The following COMMD10 variants were observed in gnomAD, a reference collection of about 807,000 sequenced individuals.
COMMD10 encodes COMM domain containing 10, also known as COMM domain-containing protein 10.
COMMD10 carries 33 observed loss-of-function variants against 28.9 expected under a neutral mutation model. The ratio of observed to expected loss-of-function variants is 1.14; its 90% CI spans 0.87 to 1.53. COMMD10 has a LOEUF of 1.53. Ranked by LOEUF, COMMD10 falls within the 40% of genes most tolerant of loss-of-function variation. The pLI is 0.00. For missense variants in COMMD10, 310 were observed against 233.4 expected (o/e 1.33, Z -2.14); for synonymous variants, 110 against 81.7 (o/e 1.35, Z -1.87).
At position 116,292,692 on chromosome 5, in the gene COMMD10, T is replaced by G; in HGVS notation, c.*203T>G. The G allele has an allele frequency of 2.4e-6, 1 of 420,572 alleles. No homozygotes were observed. The highest frequency in any genetic ancestry group is 4.2e-6 in the Non-Finnish European group (1 of 237,130). 26.1% of individuals were successfully genotyped at this position (420,572 alleles called of 1,614,324 possible). On this transcript the variant is annotated 3_prime_UTR_variant, in exon 7 of 7. Coordinates refer to ENST00000274458, the MANE Select transcript of COMMD10 (RefSeq NM_016144.4). ...TTCTAATATACTTTCTTTAGTTCTG[T>G]GAGCCAACAGTAATTATTAAGAACA...
At chr5:116,192,172 C>T (rs1016850270) in intron 5 of COMMD10, among the ~76,000 whole-genome samples, 1 of 152,050 alleles carries the variant, frequency 6.6e-6, no homozygotes, top group Non-Finnish European at 1.5e-5. Context: ...CAGCCTTCAG[C>T]CCTAGACCTT....
At chr5:116,099,171 C>T (rs1021611581) in intron 4 of COMMD10, among the ~76,000 whole-genome samples, 2 of 152,340 alleles carry the variant, frequency 1.3e-5, no homozygotes, top group Admixed American at 6.5e-5. Context: ...CTACTCTCTG[C>T]TTCAGTGAGT....
intron 5 of COMMD10, among the ~76,000 whole-genome samples, chr5:116,201,207 C>A (rs745974523): frequency 6.6e-6 from 1 of 152,118 alleles, no homozygotes; most frequent in Non-Finnish European, 1.5e-5. Flanking sequence ...TAAATAGTTT[C>A]CTCTATGGGC....
intron 5 of COMMD10, among the ~76,000 whole-genome samples, chr5:116,282,228 C>G (rs1277856001): frequency 6.6e-6 from 1 of 151,790 alleles, no homozygotes; most frequent in Non-Finnish European, 1.5e-5. Context: ...CATCCCAATT[C>G]AAGTCTGTCA....
At chr5:116,245,106 A>G (rs1749908657) in intron 5 of COMMD10, among the ~76,000 whole-genome samples, 1 of 152,066 alleles carries the variant, frequency 6.6e-6, no homozygotes, top group Non-Finnish European at 1.5e-5. Context: ...TAAAGAAGAA[A>G]AGAGAATATT....
At chr5:116,270,697 G>A (rs1036864206) in intron 5 of COMMD10, among the ~76,000 whole-genome samples, 1 of 151,764 alleles carries the variant, frequency 6.6e-6, no homozygotes, top group African/African-American at 2.4e-5. Context: ...AGCACTTTGG[G>A]AGGCCGAGGT....
chr5:116,134,986 AT>A (rs1751984866), intron 5 of COMMD10, among the ~76,000 whole-genome samples: 1 of 152,170 alleles, frequency 6.6e-6, no homozygotes, highest in Non-Finnish European at 1.5e-5. Flanking sequence ...GAACGTGATT[AT>A]TAAAGATCAA....
chr5:116,110,339 G>A (rs377313241), intron 4 of COMMD10, among the ~76,000 whole-genome samples: 3 of 152,044 alleles, frequency 2.0e-5, no homozygotes, highest in Non-Finnish European at 4.4e-5. Context: ...TTCTTTATTC[G>A]TTGTGTCCTT....
chr5:116,165,690 GTTTC>G (rs1561642644), intron 5 of COMMD10, among the ~76,000 whole-genome samples: 1 of 150,512 alleles, frequency 6.6e-6, no homozygotes, highest in African/African-American at 2.5e-5. Context: ...GTCTCTTATT[GTTTC>G]TTTTTCTTTT....
chr5:116,264,179 C>G (rs1378722710), intron 5 of COMMD10, among the ~76,000 whole-genome samples: 1 of 151,732 alleles, frequency 6.6e-6, no homozygotes, highest in Non-Finnish European at 1.5e-5. Context: ...TCTGGCTCTG[C>G]TTTCTCAGGT....
At chr5:116,261,396 G>T (rs1750440892) in intron 5 of COMMD10, among the ~76,000 whole-genome samples, 1 of 151,644 alleles carries the variant, frequency 6.6e-6, no homozygotes, top group Non-Finnish European at 1.5e-5. Context: ...GGATTTTCTT[G>T]TTCCAGGTGG....
At chr5:116,090,666 G>A (rs1160748697) in intron 2 of COMMD10, among the ~76,000 whole-genome samples, 1 of 152,172 alleles carries the variant, frequency 6.6e-6, no homozygotes, top group Non-Finnish European at 1.5e-5. Context: ...GGGCATGTAG[G>A]CAGCTTCAAG....
At chr5:116,167,431 A>G (rs1753162284) in intron 5 of COMMD10, among the ~76,000 whole-genome samples, 2 of 152,194 alleles carry the variant, frequency 1.3e-5, no homozygotes, top group Admixed American at 1.3e-4. Flanking sequence ...TCAGGATGTT[A>G]TCCAGAAGGA....
At position 116,120,336 on chromosome 5, in the gene COMMD10, T is replaced by C. The variant is rs531282383; in HGVS notation, c.400-13732T>C. Among the ~76,000 whole-genome samples the C allele has an allele frequency of 3.1e-4, 47 of 152,078 alleles. 1 individual carries two copies. Among genetic ancestry groups the C allele is most frequent in the South Asian group, 2.7e-3 (13 of 4,820 alleles). On this transcript the variant is annotated intron_variant, in intron 4 of 6. Coordinates refer to ENST00000274458, the MANE Select transcript of COMMD10 (RefSeq NM_016144.4). ...GGCATGAGAATGATATAATGGACTT[T>C]GGGGATTTGTGGGGCAAGGTTGGGA...
In COMMD10 at chr5:116,203,742, A is replaced by G. The variant is rs1211456741; in HGVS notation, c.510+69564A>G. Among the ~76,000 whole-genome samples the G allele has an allele frequency of 5.3e-5, 8 of 152,300 alleles. No individual in the cohort carries two copies. In the East Asian group the frequency reaches 9.6e-4, roughly 18 times the overall value. On this transcript the variant is annotated intron_variant, in intron 5 of 6. Transcript: ENST00000274458. ...CCCTAAAAGAGCTCCTGAAGGAAGC[A>G]CTAAACATGGAAAGGCACAACTGGT...
chr5:116,094,262 A>G (rs915543092), intron 4 of COMMD10, among the ~76,000 whole-genome samples: 1 of 152,240 alleles, frequency 6.6e-6, no homozygotes, highest in Non-Finnish European at 1.5e-5. Flanking sequence ...AATATTTACA[A>G]ACTATTGACT....
chr5:116,259,803 A>C (rs189755057), intron 5 of COMMD10, among the ~76,000 whole-genome samples: 31 of 151,600 alleles, frequency 2.0e-4, no homozygotes, highest in Admixed American at 5.3e-4. Flanking sequence ...CTGTTTCTCT[A>C]ATCTGGGACT....
At position 116,291,525 on chromosome 5, in the gene COMMD10, G is replaced by A; in HGVS notation, c.519G>A (p.Glu173=). 2 of 1,600,990 alleles carry A rather than the reference G, an allele frequency of 1.2e-6. No individual in the cohort carries two copies. The highest frequency in any genetic ancestry group is 1.7e-6 in the Non-Finnish European group (2 of 1,172,502). Residue 173 remains glutamate, a synonymous_variant, in exon 6 of 7, where the codon GAG becomes GAA. Transcript: ENST00000274458. ...GTTTTTCTTCCTTACAGAGCCTGGA[G>A]AAAGTTCTTGTGGAATTCAGTCACA... The part of the protein sequence containing the change: ...GVNNEDSKSL[E]KVLVEFSHKE...
At chr5:116,269,049 A>G (rs1469198062) in intron 5 of COMMD10, among the ~76,000 whole-genome samples, 1 of 151,780 alleles carries the variant, frequency 6.6e-6, no homozygotes, top group Non-Finnish European at 1.5e-5. Context: ...ATACATATGT[A>G]ACAAACCTGC....
Sources: gnomAD v4.1 joint callset for allele counts (sites outside exome capture counted in the v4.1 genomes callset) on GRCh38, gnomAD v4.1.1 for gene constraint, MANE v1.5 for transcripts, NCBI Gene and HGNC (gene_info 2026-07-23, HGNC 2026-07-21) for gene names.